The following PNCK variants were observed in gnomAD, a reference collection of about 807,000 sequenced individuals.
PNCK encodes the protein calcium/calmodulin-dependent protein kinase type 1B.
Under a neutral mutation model 28.3 loss-of-function variants are expected in PNCK, and 21 were observed. The ratio of observed to expected loss-of-function variants is 0.74; its 90% CI spans 0.53 to 1.07. PNCK has a LOEUF of 1.07. Ranked by LOEUF, PNCK falls within the 50% of genes least tolerant of loss-of-function variation. The pLI is 0.00. For missense variants in PNCK, 250 were observed against 298.3 expected (o/e 0.84, Z 1.19); for synonymous variants, 136 against 125.2 (o/e 1.09, Z -0.58).
In PNCK at chrX:153,672,189, G is replaced by A. The variant is rs1388242444; in HGVS notation, c.212C>T (p.Pro71Leu). ...GACATCCTCCAGAGCGACGATGTTG[G>A]GGTGACTGATCCTGCAATGGCAAGG... is the stretch of plus-strand genomic sequence containing the variant. Reference protein sequence around the residue: ...EIAVLRRISHPNIVALEDVHE... With the variant: ...EIAVLRRISHLNIVALEDVHE... The change falls in exon 4 of 12, where the codon CCC (proline) becomes CTC (leucine). Residue 71 changes from proline (P) to leucine (L), a missense_variant. Transcript: ENST00000340888. 1 of 1,203,332 alleles carries A rather than the reference G, an allele frequency of 8.3e-7. No homozygotes were observed. Among genetic ancestry groups the A allele is most frequent in the Non-Finnish European group, 1.1e-6 (1 of 891,814 alleles).
intron 1 of PNCK, among the ~76,000 whole-genome samples, chrX:153,684,091 C>T (rs2091406740): frequency 8.9e-6 from 1 of 112,054 alleles, no homozygotes; most frequent in Non-Finnish European, 1.9e-5. Flanking sequence ...TTGGGAAGGT[C>T]TGTTATCATT....
upstream of PNCK, chrX:153,674,152 C>T: frequency 8.3e-7 from 1 of 1,208,862 alleles, no homozygotes; most frequent in Admixed American, 2.2e-5. Flanking sequence ...CTGACCCGGC[C>T]ACTTGCCCGA....
At chrX:153,673,260 C>T (rs1557040814) in intron 1 of PNCK, 182 bp from the exon 2 acceptor site, 4 of 1,200,148 alleles carry the variant, frequency 3.3e-6, no homozygotes, top group Non-Finnish European at 4.5e-6. Flanking sequence ...ACCGCATACA[C>T]GCCTCCACAT....
intron 1 of PNCK, among the ~76,000 whole-genome samples, chrX:153,685,990 A>T (rs1294048229): frequency 8.9e-6 from 1 of 112,179 alleles, no homozygotes; most frequent in Non-Finnish European, 1.9e-5. Flanking sequence ...GCCCAGTTCC[A>T]GGAGGTCGTG....
intron 2 of PNCK, 87 bp from the exon 3 acceptor site, chrX:153,672,784 C>A (rs192932061): frequency 9.4e-7 from 1 of 1,060,867 alleles, no homozygotes; most frequent in East Asian, 3.3e-5. Flanking sequence ...GGGAGGGCCC[C>A]CTGTGAAGGA....
chrX:153,680,280 G>A (rs2091389464), intron 1 of PNCK, among the ~76,000 whole-genome samples: 1 of 106,054 alleles, frequency 9.4e-6, no homozygotes, highest in African/African-American at 3.5e-5. Context: ...CTCATGAATG[G>A]CGTGGTGCCG....
upstream of PNCK, among the ~76,000 whole-genome samples, chrX:153,677,537 CATAGTGTGTATATATAT>C (rs568887863): frequency 0.011 from 1,081 of 102,124 alleles, 9 homozygotes; most frequent in Middle Eastern, 0.05. Context: ...CATATATATA[CATAGTGTGTATATATAT>C]ATAGTGTGTA....
upstream of PNCK, chrX:153,674,763 C>T (rs1405085909): frequency 8.9e-6 from 1 of 112,270 alleles, no homozygotes; most frequent in Non-Finnish European, 1.9e-5. Flanking sequence ...TTACTGGACC[C>T]CCCTCGCTGC....
rs11551668 is a variant in PNCK, at chrX:153,669,902, G to T, written c.*236C>A. ...CCCCTCGGCTTTTGGCGGGGCGGGG[G>T]GGGCAGGGGCGGGAGAGGCAACAGG... On this transcript the variant is annotated 3_prime_UTR_variant, in exon 12 of 12. Transcript: ENST00000340888. 107 of 340,279 alleles carry T rather than the reference G, an allele frequency of 3.1e-4. No individual in the cohort carries two copies. The highest frequency in any genetic ancestry group is 2.5e-3 in the African/African-American group (95 of 37,892). 28.0% of individuals were successfully genotyped at this position (340,279 alleles called of 1,213,427 possible).
Position 153,671,166 on chromosome X carries a change from G to C in PNCK, c.639C>G (p.Tyr213Ter). The change falls in exon 8 of 12, where the codon TAC becomes TAG. Residue 213 changes from tyrosine (Y) to a stop codon, truncating the protein, a stop_gained. Coordinates refer to ENST00000340888, the MANE Select transcript of PNCK (RefSeq NM_001366977.1). LOFTEE classifies it high-confidence loss of function. ...YILLCGYPPF[Y>*]DESDPELFSQ... ...TGAAGAGCTCAGGGTCGCTCTCGTC[G>C]TAGAAGGGGGGGTACCCACACAGCC... The C allele has an allele frequency of 8.3e-7, 1 of 1,211,745 alleles. No individual in the cohort carries two copies. The highest frequency in any genetic ancestry group is 2.3e-4 in the Middle Eastern group (1 of 4,349).
chrX:153,674,083 C>T (rs1557041118), upstream of PNCK: 3 of 1,208,809 alleles, frequency 2.5e-6, no homozygotes, highest in Non-Finnish European at 3.4e-6. Context: ...TCTTCGGCCA[C>T]AGGTCGGCAA....
chrX:153,675,450 C>T (rs898899875), upstream of PNCK, among the ~76,000 whole-genome samples: 1 of 111,918 alleles, frequency 8.9e-6, no homozygotes, highest in Non-Finnish European at 1.9e-5. Flanking sequence ...CGAGGTGACT[C>T]AGGTGGCCCT....
intron 2 of PNCK, 37 bp downstream of exon 2, chrX:153,672,972 C>G (rs1557040587): frequency 8.7e-7 from 1 of 1,153,000 alleles, no homozygotes; most frequent in Non-Finnish European, 1.2e-6. Context: ...CACACACACA[C>G]ACACACACAC....
intron 2 of PNCK, 86 bp from the exon 3 acceptor site, chrX:153,672,783 C>T: frequency 9.4e-7 from 1 of 1,065,405 alleles, no homozygotes; most frequent in East Asian, 3.3e-5. Flanking sequence ...GGGGAGGGCC[C>T]CCTGTGAAGG....
rs1409549653 is a variant in PNCK at position 153,672,663 on chromosome X, G to A, written c.103C>T (p.Arg35Trp). Residue 35 changes from arginine to tryptophan, a missense_variant, in exon 3 of 12, where the codon CGG becomes TGG. Coordinates refer to ENST00000340888, the MANE Select transcript of PNCK (RefSeq NM_001366977.1). The stretch of plus-strand genomic sequence containing the variant: ...AGGGCCACGAGGTGTGCGGAGCCCC[G>A]CTCCTGGGCCAGCACCACCTCGGAG... ...AFSEVVLAQE[R>W]GSAHLVALKC... 5.8e-6 allele frequency: 7 copies of A among 1,203,661 alleles called. No homozygotes were observed. Among genetic ancestry groups the A allele is most frequent in the South Asian group, 1.8e-5 (1 of 56,805 alleles).
upstream of PNCK, chrX:153,673,833 C>G (rs1188371145): frequency 3.3e-5 from 25 of 751,536 alleles, no homozygotes; most frequent in Non-Finnish European, 3.8e-5. Flanking sequence ...GCCAAGCCCC[C>G]CGCCCGCGCC....
chrX:153,675,668 G>A (rs1401725163), upstream of PNCK, among the ~76,000 whole-genome samples: 3 of 110,998 alleles, frequency 2.7e-5, no homozygotes, highest in Non-Finnish European at 5.7e-5. Flanking sequence ...TGGGACTACA[G>A]GTGCATGCCA....
In PNCK at chrX:153,672,111, C is replaced by A; in HGVS notation, c.275+15G>T. 1.7e-6 allele frequency: 2 copies of A among 1,199,980 alleles called. No homozygotes were observed. The highest frequency in any genetic ancestry group is 2.2e-6 in the Non-Finnish European group (2 of 888,945). ...TCCCTCCCCGGCTCCCACAGCCTGCCCAGGCCCTCCTCACAGTTCCATGGC... is the reference window on the plus strand; with the variant it reads ...TCCCTCCCCGGCTCCCACAGCCTGCACAGGCCCTCCTCACAGTTCCATGGC... On this transcript the variant is annotated intron_variant, in intron 4 of 11. Transcript: ENST00000340888.
At position 153,670,467 on chromosome X, in the gene PNCK, G is replaced by T; in HGVS notation, c.1022C>A (p.Pro341His). The change falls in exon 11 of 12, where the codon CCC (proline) becomes CAC (histidine). Residue 341 changes from proline (P) to histidine (H), a missense_variant. Coordinates refer to ENST00000340888, the MANE Select transcript of PNCK (RefSeq NM_001366977.1). ...AAACACACCTGGGCATCACCACTTG[G>T]GGGGCTGGCCAGCACGGAGGCCTGA... Reference protein sequence around the residue: ...SHSGLRAGQPPKW With the variant: ...SHSGLRAGQPHKW 1 of 1,211,567 alleles carries T rather than the reference G, an allele frequency of 8.3e-7. No individual in the cohort carries two copies. The highest frequency in any genetic ancestry group is 1.1e-6 in the Non-Finnish European group (1 of 895,469).
Sources: gnomAD v4.1 joint callset for allele counts (sites outside exome capture counted in the v4.1 genomes callset) on GRCh38, gnomAD v4.1.1 for gene constraint, MANE v1.5 for transcripts, NCBI Gene and HGNC (gene_info 2026-07-23, HGNC 2026-07-21) for gene names.